The following NANOGNB variants were observed in gnomAD, a reference collection of about 807,000 sequenced individuals.
NANOGNB encodes homeobox C14.
NANOGNB carries 30 observed loss-of-function variants against 25.0 expected under a neutral mutation model. The observed-to-expected ratio is 1.20, with a 90% CI of 0.90 to 1.63. The LOEUF (loss-of-function observed/expected upper bound fraction) is 1.63. Among genes scored for constraint, NANOGNB ranks in the 40% most tolerant of loss-of-function variants. NANOGNB has a pLI of 0.00. For synonymous variants in NANOGNB, 84 were observed against 62.1 expected (o/e 1.35, Z -1.66); for missense variants, 200 against 188.1 (o/e 1.06, Z -0.37).
At chr12:7,767,920 C>T (rs988764154) in intron 1 of NANOGNB, among the ~76,000 whole-genome samples, 8 of 151,864 alleles carry the variant, frequency 5.3e-5, no homozygotes, top group Non-Finnish European at 1.2e-4. Context: ...ACTCTGTTGC[C>T]CAGGCTGGTT....
At chr12:7,765,989 T>C in intron 1 of NANOGNB, 2 of 395,596 alleles carry the variant, frequency 5.1e-6, no homozygotes, top group Non-Finnish European at 8.9e-6. Context: ...TAACCTTGAG[T>C]GTGATTGAAA....
chr12:7,767,490 C>T (rs764389374), intron 1 of NANOGNB, among the ~76,000 whole-genome samples: 14 of 151,512 alleles, frequency 9.2e-5, no homozygotes, highest in African/African-American at 2.9e-4. Flanking sequence ...CTGAAGCTGA[C>T]GATTTCGAGA....
At chr12:7,767,376 A>G (rs1448130743) in intron 1 of NANOGNB, among the ~76,000 whole-genome samples, 5 of 143,508 alleles carry the variant, frequency 3.5e-5, no homozygotes, top group African/African-American at 1.0e-4. Context: ...GTGGGTTACA[A>G]GAGGGTTTTT....
chr12:7,768,100 T>G (rs759210215), intron 1 of NANOGNB, among the ~76,000 whole-genome samples: 11 of 152,322 alleles, frequency 7.2e-5, no homozygotes, highest in African/African-American at 2.4e-4. Flanking sequence ...GTCTATTGTA[T>G]AGATATAATA....
chr12:7,773,725 CA>C (rs906355561), intron 3 of NANOGNB, 74 bp from the exon 4 acceptor site: 316 of 458,316 alleles, frequency 6.9e-4, no homozygotes, highest in South Asian at 1.1e-3. Context: ...AACTCCATCT[CA>C]AAAAAAAATT....
At chr12:7,772,576 CTTTTTTT>C (rs71038747) in intron 3 of NANOGNB, among the ~76,000 whole-genome samples, 18 of 107,932 alleles carry the variant, frequency 1.7e-4, no homozygotes, top group African/African-American at 5.5e-4. Flanking sequence ...CGCACCCGGC[CTTTTTTT>C]TTTTTTTTTT....
intron 3 of NANOGNB, among the ~76,000 whole-genome samples, chr12:7,771,801 A>G (rs1862570012): frequency 6.6e-6 from 1 of 151,706 alleles, no homozygotes; most frequent in Non-Finnish European, 1.5e-5. Flanking sequence ...TTGTATTTTT[A>G]GTAAAGACCG....
chr12:7,772,489 G>C (rs1862581727), intron 3 of NANOGNB, among the ~76,000 whole-genome samples: 1 of 151,482 alleles, frequency 6.6e-6, no homozygotes, highest in Non-Finnish European at 1.5e-5. Context: ...ATGTTAGCCA[G>C]GATGGTCTCG....
At chr12:7,768,039 T>C (rs775235106) in intron 1 of NANOGNB, among the ~76,000 whole-genome samples, 5 of 152,272 alleles carry the variant, frequency 3.3e-5, no homozygotes, top group Non-Finnish European at 4.4e-5. Context: ...TCAATATTCA[T>C]CCATGTTGAG....
Position 7,765,336 on chromosome 12 carries a change from C to T in NANOGNB, c.51C>T (p.Ala17=), listed in dbSNP as rs145794794. 284 of 800,258 alleles carry T rather than the reference C, an allele frequency of 3.5e-4. 1 individual carries two copies. The African/African-American group carries it at 4.8e-3, about 13-fold the overall frequency. The allele number at this position is 800,258 out of a possible 1,614,324, so 49.6% of individuals were successfully genotyped here. A position where few individuals can be genotyped will look rare whatever the true frequency, so the allele number is the denominator to read the frequency against. The change falls in exon 1 of 4, where the codon GCC becomes GCT. Residue 17 remains alanine, a synonymous_variant. Transcript: ENST00000382119. The part of the protein sequence containing the change: ...LTPVIPALWE[A]EAGRSRGQEI... ...CTGTAATCCCAGCACTTTGGGAGGCCGAGGCGGGCAGATCACGAGGTCAGG... is the reference window on the plus strand; with the variant it reads ...CTGTAATCCCAGCACTTTGGGAGGCTGAGGCGGGCAGATCACGAGGTCAGG...
chr12:7,765,883 T>G (rs923018362), intron 1 of NANOGNB, among the ~76,000 whole-genome samples: 5 of 151,980 alleles, frequency 3.3e-5, no homozygotes, highest in Admixed American at 2.6e-4. Context: ...AAATAAAAAT[T>G]TGAAAATAAT....
intron 1 of NANOGNB, 30 bp downstream of exon 1, chr12:7,765,417 A>G (rs1347438540): frequency 1.6e-5 from 6 of 372,820 alleles, no homozygotes; most frequent in Non-Finnish European, 3.0e-5. Flanking sequence ...AAAAATACAA[A>G]AAATTAGCTG....
chr12:7,773,307 T>C (rs905523742), intron 3 of NANOGNB, among the ~76,000 whole-genome samples: 1 of 151,684 alleles, frequency 6.6e-6, no homozygotes. Context: ...TCCATAACTT[T>C]CTTACCACTT....
chr12:7,766,492 C>CAAACA (rs750908918), intron 1 of NANOGNB, among the ~76,000 whole-genome samples: 9 of 152,164 alleles, frequency 5.9e-5, no homozygotes, highest in Non-Finnish European at 1.3e-4. Context: ...AAACAGCAAA[C>CAAACA]AAACAAAACA....
chr12:7,765,587 A>G (rs940422342), intron 1 of NANOGNB, among the ~76,000 whole-genome samples, 200 bp downstream of exon 1: 11 of 97,704 alleles, frequency 1.1e-4, no homozygotes, highest in Admixed American at 4.1e-4. Context: ...AAAAAAAAAA[A>G]AAGAAGTGGC....
intron 1 of NANOGNB, among the ~76,000 whole-genome samples, chr12:7,765,930 A>G (rs1865241201): frequency 6.6e-6 from 1 of 152,164 alleles, no homozygotes; most frequent in African/African-American, 2.4e-5. Flanking sequence ...ATGAGATTAG[A>G]TGACCTGGAT....
At chr12:7,771,042 C>T (rs1865288196) in intron 3 of NANOGNB, among the ~76,000 whole-genome samples, 1 of 152,112 alleles carries the variant, frequency 6.6e-6, no homozygotes, top group Non-Finnish European at 1.5e-5. Context: ...ATCATATTAC[C>T]AAATGTACAA....
chr12:7,769,850 A>C, intron 1 of NANOGNB, 133 bp from the exon 2 acceptor site: 2 of 743,976 alleles, frequency 2.7e-6, no homozygotes, highest in Admixed American at 3.2e-5. Context: ...TCTTTGCTCT[A>C]TGTTTTCCAC....
At position 7,773,872 on chromosome 12, in the gene NANOGNB, G is replaced by A; in HGVS notation, c.*21G>A. 1 of 619,092 alleles carries A rather than the reference G, an allele frequency of 1.6e-6. No homozygotes were observed. Among genetic ancestry groups the A allele is most frequent in the Non-Finnish European group, 2.8e-6 (1 of 352,346 alleles). The allele number at this position is 619,092 out of a possible 1,614,324, so 38.3% of individuals were successfully genotyped here. The stretch of plus-strand genomic sequence containing the variant: ...AGTGATCTTCCTATTTTGGCCTCCA[G>A]AAATGCTGTGATTACAAGCATGAGC... On this transcript the variant is annotated 3_prime_UTR_variant, in exon 4 of 4. Transcript: ENST00000382119.
Sources: gnomAD v4.1 joint callset for allele counts (sites outside exome capture counted in the v4.1 genomes callset) on GRCh38, gnomAD v4.1.1 for gene constraint, MANE v1.5 for transcripts, NCBI Gene and HGNC (gene_info 2026-07-23, HGNC 2026-07-21) for gene names.